The following OGDH variants were observed in gnomAD, a reference collection of about 807,000 sequenced individuals.
The protein encoded by OGDH is oxoglutarate dehydrogenase, also known as 2-oxoglutarate dehydrogenase complex component E1.
In OGDH, 38 loss-of-function variants were observed where a neutral mutation model predicts 116.6. That is an observed-to-expected ratio of 0.33 (90% CI 0.25 to 0.43). The LOEUF is 0.43. Ranked by LOEUF, OGDH falls within the 20% of genes least tolerant of loss-of-function variation. OGDH has a pLI of 1.00. For missense variants in OGDH, 825 were observed against 1,357.2 expected (o/e 0.61, Z 6.16); for synonymous variants, 488 against 533.3 (o/e 0.92, Z 1.17).
chr7:44,665,822 A>G (rs1787161188), intron 4 of OGDH, among the ~76,000 whole-genome samples: 1 of 152,312 alleles, frequency 6.6e-6, no homozygotes, highest in East Asian at 1.9e-4. Context: ...AGAGATGCCA[A>G]ACTGGATAAA....
intron 2 of OGDH, among the ~76,000 whole-genome samples, chr7:44,627,786 C>G (rs989361716): frequency 5.3e-5 from 8 of 152,120 alleles, no homozygotes; most frequent in African/African-American, 1.7e-4. Context: ...AAGTGATTCT[C>G]GTGCCTCAGC....
intron 1 of OGDH, among the ~76,000 whole-genome samples, chr7:44,617,131 G>T (rs1465880074): frequency 6.6e-6 from 1 of 151,112 alleles, no homozygotes; most frequent in African/African-American, 2.4e-5. Context: ...CGGGGTTTCA[G>T]CATGTTGGCC....
intron 2 of OGDH, among the ~76,000 whole-genome samples, chr7:44,643,711 C>G (rs1356731884): frequency 2.0e-5 from 3 of 152,140 alleles, no homozygotes; most frequent in African/African-American, 7.2e-5. Context: ...TCAGACAGAC[C>G]CATTTGATAT....
intron 1 of OGDH, among the ~76,000 whole-genome samples, chr7:44,623,728 C>T (rs928893792): frequency 5.9e-5 from 9 of 152,162 alleles, no homozygotes; most frequent in Non-Finnish European, 8.8e-5. Flanking sequence ...TCACTGCAGC[C>T]TCCACCTACC....
chr7:44,670,884 A>G lies in OGDH; in HGVS notation c.634-2903A>G, dbSNP rs548026918. The stretch of plus-strand genomic sequence containing the variant: ...AAATTAGCTGGGCGTGGTGGCGGGC[A>G]CCTGTAGTCCCAACTACTCGGGAGG... On this transcript the variant is annotated intron_variant, in intron 5 of 22. Coordinates refer to ENST00000222673, the MANE Select transcript of OGDH (RefSeq NM_002541.4). 7.9e-5 allele frequency among the ~76,000 whole-genome samples: 12 copies of G among 151,620 alleles called. No homozygotes were observed. In the East Asian group the frequency reaches 9.8e-4, roughly 12 times the overall value.
In OGDH at chr7:44,651,531, A is replaced by G. The variant is rs563238742; in HGVS notation, c.517+3772A>G. 2.0e-4 allele frequency among the ~76,000 whole-genome samples: 30 copies of G among 152,300 alleles called. No individual in the cohort carries two copies. In the South Asian group the frequency reaches 4.8e-3, roughly 24 times the overall value. ...ACAGAACTTGTTATGAATACAGTAAAAAATATTGTTGAGATGGTAGGGCCA... is the reference window on the plus strand; with the variant it reads ...ACAGAACTTGTTATGAATACAGTAAGAAATATTGTTGAGATGGTAGGGCCA... On this transcript the variant is annotated intron_variant, in intron 4 of 22. Transcript: ENST00000222673.
chr7:44,656,191 A>G, intron 4 of OGDH: 1 of 839,424 alleles, frequency 1.2e-6, no homozygotes, highest in African/African-American at 1.7e-5. Context: ...TGTCCCTGTG[A>G]TGGTGTCTGT....
chr7:44,697,227 C>T lies in OGDH; in HGVS notation c.2052-143C>T, dbSNP rs1422779700. 3.4e-6 allele frequency: 5 copies of T among 1,450,720 alleles called. No homozygotes were observed. In the African/African-American group the frequency reaches 5.6e-5, roughly 16 times the overall value. The allele number at this position is 1,450,720 out of a possible 1,614,324, so 89.9% of individuals were successfully genotyped here. A position where few individuals can be genotyped will look rare whatever the true frequency, so the allele number is the denominator to read the frequency against. On this transcript the variant is annotated intron_variant, in intron 15 of 22. Coordinates refer to ENST00000222673, the MANE Select transcript of OGDH (RefSeq NM_002541.4). This position sits in a 1 kb window ranked among gnomAD's most constrained non-coding sequence, Gnocchi z 6.0. Reference sequence around the variant, plus strand: ...TTTGCTATGGGTGCTTCTGTTAAGACCTGGGTGGGGCCGACCCTGCAGCTG... The same window carrying T: ...TTTGCTATGGGTGCTTCTGTTAAGATCTGGGTGGGGCCGACCCTGCAGCTG...
intron 2 of OGDH, among the ~76,000 whole-genome samples, chr7:44,629,103 CTTTA>C (rs367865100): frequency 7.9e-5 from 12 of 152,326 alleles, no homozygotes; most frequent in Middle Eastern, 6.8e-3. Flanking sequence ...ATGATGACAT[CTTTA>C]TTTATGTCTT....
chr7:44,623,292 AG>A (rs1785071860), intron 1 of OGDH, among the ~76,000 whole-genome samples: 1 of 152,124 alleles, frequency 6.6e-6, no homozygotes, highest in East Asian at 1.9e-4. Context: ...CCCACTTGGA[AG>A]GAGCCCATCC....
At position 44,707,672 on chromosome 7, in the gene OGDH, C is replaced by T; in HGVS notation, c.2887C>T (p.Gln963Ter). Reference sequence around the variant, plus strand: ...CTGGTGCCAGGAGGAGCACAAGAACCAAGGCTACTATGACTACGTGAAGCC... The same window carrying T: ...CTGGTGCCAGGAGGAGCACAAGAACTAAGGCTACTATGACTACGTGAAGCC... ...LAWCQEEHKN[Q>*]GYYDYVKPRL... Residue 963 changes from glutamine to a stop codon, truncating the protein, a stop_gained, in exon 22 of 23, where the codon CAA becomes TAA. Transcript: ENST00000222673. LOFTEE classifies it high-confidence loss of function. This position sits in a 1 kb window ranked among gnomAD's most constrained non-coding sequence, Gnocchi z 5.2. 6.2e-7 allele frequency: 1 copy of T among 1,614,210 alleles called. No homozygotes were observed. Among genetic ancestry groups the T allele is most frequent in the Non-Finnish European group, 8.5e-7 (1 of 1,180,042 alleles).
At chr7:44,633,717 T>C (rs1245014422) in intron 2 of OGDH, among the ~76,000 whole-genome samples, 4 of 152,184 alleles carry the variant, frequency 2.6e-5, no homozygotes, top group African/African-American at 9.6e-5. Flanking sequence ...TTTGTGTAGC[T>C]GGGCTGGGGT....
chr7:44,671,895 CT>C (rs1392754264), intron 5 of OGDH, among the ~76,000 whole-genome samples: 3 of 151,594 alleles, frequency 2.0e-5, no homozygotes, highest in African/African-American at 4.9e-5. Flanking sequence ...TGGTGAAACC[CT>C]GTCTCCACTA....
chr7:44,613,177 G>GTTTTTTTT (rs1784633528), intron 1 of OGDH, among the ~76,000 whole-genome samples: 1 of 145,610 alleles, frequency 6.9e-6, no homozygotes, highest in African/African-American at 2.6e-5. Context: ...CGCCTGGCTT[G>GTTTTTTTT]TTTTTGTTTT....
chr7:44,622,061 A>C (rs1785031310), intron 1 of OGDH, among the ~76,000 whole-genome samples: 1 of 152,182 alleles, frequency 6.6e-6, no homozygotes, highest in Non-Finnish European at 1.5e-5. Flanking sequence ...TAATTGGGCT[A>C]TTGCAGCAAC....
chr7:44,611,921 GT>G (rs1037926957), intron 1 of OGDH, among the ~76,000 whole-genome samples: 17 of 150,666 alleles, frequency 1.1e-4, no homozygotes, highest in South Asian at 2.1e-4. Flanking sequence ...AAGTTTTAAT[GT>G]TTTTTTTTAT....
chr7:44,656,838 G>A (rs1053148434), intron 4 of OGDH, among the ~76,000 whole-genome samples: 5 of 152,146 alleles, frequency 3.3e-5, no homozygotes, highest in African/African-American at 1.2e-4. Context: ...GCCAACTGAA[G>A]TATTAATAAA....
intron 2 of OGDH, among the ~76,000 whole-genome samples, chr7:44,634,014 CT>C (rs1258120033): frequency 1.2e-4 from 18 of 152,334 alleles, no homozygotes; most frequent in Middle Eastern, 3.4e-3. Context: ...CACCTCAAAA[CT>C]TGGCACCAGT....
chr7:44,626,007 C>G (rs1785188473), intron 2 of OGDH, among the ~76,000 whole-genome samples: 1 of 152,012 alleles, frequency 6.6e-6, no homozygotes, highest in Non-Finnish European at 1.5e-5. Flanking sequence ...CGGGTATATT[C>G]CCATGACTGC....
Sources: gnomAD v4.1 joint callset for allele counts (sites outside exome capture counted in the v4.1 genomes callset) on GRCh38, gnomAD v4.1.1 for gene constraint, Gnocchi (gnomAD v3.1) non-coding constraint, MANE v1.5 for transcripts, NCBI Gene and HGNC (gene_info 2026-07-23, HGNC 2026-07-21) for gene names.